Variants in PI4K2A observed in about 807,000 individuals in gnomAD.
PI4K2A encodes the protein phosphatidylinositol 4-kinase type 2 alpha.
Under a neutral mutation model 55.0 loss-of-function variants are expected in PI4K2A, and 20 were observed. The ratio of observed to expected loss-of-function variants is 0.36; its 90% CI spans 0.26 to 0.53. PI4K2A has a LOEUF of 0.53. Ranked by LOEUF, PI4K2A falls within the 20% of genes least tolerant of loss-of-function variation. The pLI is 0.91. For missense variants in PI4K2A, 463 were observed against 637.1 expected (o/e 0.73, Z 2.94); for synonymous variants, 235 against 258.5 (o/e 0.91, Z 0.87).
At chr10:97,659,083 G>A (rs72835948) in intron 4 of PI4K2A, among the ~76,000 whole-genome samples, 2,093 of 152,284 alleles carry the variant, frequency 0.014, 18 homozygotes, top group Non-Finnish European at 0.017. Flanking sequence ...TGTCCAGGCT[G>A]AAGTGCAGTA....
chr10:97,647,293 G>C (rs2041509505), intron 1 of PI4K2A, among the ~76,000 whole-genome samples: 1 of 151,982 alleles, frequency 6.6e-6, no homozygotes, highest in Admixed American at 6.6e-5. Flanking sequence ...CTCTCTCCTA[G>C]ATATAATAAA....
At position 97,656,277 on chromosome 10, in the gene PI4K2A, C is replaced by A. The variant is rs1449409097; in HGVS notation, c.637-8C>A. 2 of 1,610,990 alleles carry A rather than the reference C, an allele frequency of 1.2e-6. No individual in the cohort carries two copies. The highest frequency in any genetic ancestry group is 2.7e-5 in the African/African-American group (2 of 74,970). Reference sequence around the variant, plus strand: ...TCTAACCTTAGTATCTCTTCTCTTTCACTGTAGGTAGTATACCTGGCCAGT... The same window carrying A: ...TCTAACCTTAGTATCTCTTCTCTTTAACTGTAGGTAGTATACCTGGCCAGT... On this transcript the variant is annotated splice_polypyrimidine_tract_variant and splice_region_variant and intron_variant, in intron 2 of 8. Coordinates refer to ENST00000370631, the Ensembl canonical transcript of PI4K2A. The surrounding 1 kb of genome is among the most constrained non-coding windows in gnomAD (Gnocchi z 4.5).
chr10:97,663,658 TA>T (rs1328271891), intron 5 of PI4K2A, among the ~76,000 whole-genome samples: 1 of 151,174 alleles, frequency 6.6e-6, no homozygotes, highest in African/African-American at 2.4e-5. Flanking sequence ...CCGTCTCTAT[TA>T]AAATGCAAAA....
chr10:97,649,622 T>A (rs1391689522), intron 1 of PI4K2A, among the ~76,000 whole-genome samples: 1 of 94,484 alleles, frequency 1.1e-5, no homozygotes, highest in African/African-American at 9.1e-5. Flanking sequence ...TTTTTTTTTT[T>A]TTTTTTTTTT....
exon 2 of PI4K2A, chr10:97,651,022 C>T: frequency 6.2e-7 from 1 of 1,614,024 alleles, no homozygotes; most frequent in Non-Finnish European, 8.5e-7. Flanking sequence ...GCTGCAGAAG[C>T]TGTGCTGTCC....
At chr10:97,648,168 A>G (rs1347987514) in intron 1 of PI4K2A, among the ~76,000 whole-genome samples, 1 of 143,066 alleles carries the variant, frequency 7.0e-6, no homozygotes, top group Non-Finnish European at 1.5e-5. Context: ...ATCTCGGCTC[A>G]CTGCGACCTC....
At chr10:97,667,913 G>T (rs1226974729) in intron 8 of PI4K2A, among the ~76,000 whole-genome samples, 1 of 152,186 alleles carries the variant, frequency 6.6e-6, no homozygotes, top group East Asian at 1.9e-4. Flanking sequence ...AGAGTACTGG[G>T]CACATGAAGC....
At chr10:97,661,579 C>T (rs2041584592) in intron 4 of PI4K2A, among the ~76,000 whole-genome samples, 1 of 151,102 alleles carries the variant, frequency 6.6e-6, no homozygotes, top group African/African-American at 2.4e-5. Flanking sequence ...TGGTCTTAAA[C>T]TCCTGGGCTC....
At chr10:97,665,604 T>A (rs12049715) in intron 6 of PI4K2A, among the ~76,000 whole-genome samples, 29,467 of 151,314 alleles carry the variant, frequency 0.19, 3,197 homozygotes, top group East Asian at 0.39. Context: ...TTATTTATTT[T>A]TTTTTTGAGA....
At chr10:97,644,674 AG>A (rs1490916768) in intron 1 of PI4K2A, among the ~76,000 whole-genome samples, 2 of 152,248 alleles carry the variant, frequency 1.3e-5, no homozygotes, top group African/African-American at 4.8e-5. Flanking sequence ...GAAGAAGGAA[AG>A]GGAGAGGGTG....
At chr10:97,668,664 T>C (rs2041621155) in intron 8 of PI4K2A, among the ~76,000 whole-genome samples, 1 of 152,198 alleles carries the variant, frequency 6.6e-6, no homozygotes, top group African/African-American at 2.4e-5. Context: ...TATACTAAAA[T>C]ACTCAATTTG....
chr10:97,662,254 T>G (rs538962535), intron 4 of PI4K2A, among the ~76,000 whole-genome samples: 1 of 152,334 alleles, frequency 6.6e-6, no homozygotes, highest in South Asian at 2.1e-4. Context: ...ACAGATCTGT[T>G]TTAATTTTCA....
intron 2 of PI4K2A, among the ~76,000 whole-genome samples, chr10:97,653,788 G>A (rs188453652): frequency 3.3e-3 from 505 of 152,244 alleles, no homozygotes; most frequent in South Asian, 8.9e-3. Context: ...ATGGTGGTGC[G>A]TGCCTGTAAT....
At chr10:97,657,874 C>T (rs532857719) in intron 4 of PI4K2A, among the ~76,000 whole-genome samples, 65 of 118,422 alleles carry the variant, frequency 5.5e-4, no homozygotes, top group African/African-American at 1.8e-3. Context: ...CTTGCTCTGT[C>T]ACCTAGGCTG....
intron 8 of PI4K2A, among the ~76,000 whole-genome samples, chr10:97,667,784 G>A (rs1458665356): frequency 1.3e-5 from 2 of 152,228 alleles, no homozygotes; most frequent in African/African-American, 4.8e-5. Flanking sequence ...CTACTTGGAA[G>A]CTCTGTGGCC....
At chr10:97,642,884 T>TCTTCCTTCCTTCCTTCCTTC (rs1246613020) in intron 1 of PI4K2A, among the ~76,000 whole-genome samples, 2 of 96,802 alleles carry the variant, frequency 2.1e-5, no homozygotes, top group Non-Finnish European at 2.1e-5. Flanking sequence ...TTTCTTTCTT[T>TCTTCCTTCCTTCCTTCCTTC]CTTCCTTCCT....
intron 1 of PI4K2A, among the ~76,000 whole-genome samples, chr10:97,643,438 G>A (rs534507345): frequency 6.6e-6 from 1 of 152,026 alleles, no homozygotes; most frequent in African/African-American, 2.4e-5. Context: ...TAGGTCAGCT[G>A]AGAAGTGAGC....
exon 9 of PI4K2A, chr10:97,675,761 G>T (rs1385301138): frequency 6.5e-6 from 1 of 152,894 alleles, no homozygotes; most frequent in African/African-American, 2.4e-5. Flanking sequence ...AGGCAAGAGT[G>T]TGGGCATCCT....
exon 9 of PI4K2A, chr10:97,675,713 T>G (rs879810200): frequency 3.9e-5 from 6 of 152,668 alleles, no homozygotes; most frequent in Non-Finnish European, 7.3e-5. Flanking sequence ...AGAAGGAAAT[T>G]GGGTCCAGTG....
Sources: allele counts gnomAD v4.1 joint callset (sites outside exome capture counted in the v4.1 genomes callset), GRCh38; gene constraint gnomAD v4.1.1; non-coding constraint Gnocchi (gnomAD v3.1); transcripts MANE v1.5; gene names NCBI Gene and HGNC (gene_info 2026-07-23, HGNC 2026-07-21).